Variants in SIL1 observed in about 807,000 individuals in gnomAD.
SIL1 encodes the protein nucleotide exchange factor SIL1.
SIL1 carries 40 observed loss-of-function variants against 49.1 expected under a neutral mutation model. The ratio of observed to expected loss-of-function variants is 0.81; its 90% CI spans 0.63 to 1.06. The LOEUF (loss-of-function observed/expected upper bound fraction) is 1.06, where lower values mean the gene tolerates loss of function less well. Among genes scored for constraint, SIL1 ranks in the 50% least tolerant of loss-of-function variants. SIL1 has a pLI of 0.00. For missense variants in SIL1, 500 were observed against 572.6 expected, an observed-to-expected ratio of 0.87 and a Z score of 1.29; for synonymous variants, 253 against 250.8, an observed-to-expected ratio of 1.01 and a Z score of -0.08.
intron 7 of SIL1, among the ~76,000 whole-genome samples, chr5:139,017,840 G>A (rs149912945): frequency 6.6e-6 from 1 of 152,280 alleles, no homozygotes; most frequent in Non-Finnish European, 1.5e-5. Flanking sequence ...ACTCCTGGTA[G>A]GTCAGACTGC....
At chr5:139,170,823 G>T (rs1362923747) in intron 1 of SIL1, among the ~76,000 whole-genome samples, 178 of 150,708 alleles carry the variant, frequency 1.2e-3, no homozygotes, top group African/African-American at 4.2e-3. Flanking sequence ...GGAGGGAGGT[G>T]GGGGGGTCAG....
chr5:139,152,884 T>C (rs752019694), intron 1 of SIL1, among the ~76,000 whole-genome samples: 2 of 152,138 alleles, frequency 1.3e-5, no homozygotes, highest in African/African-American at 2.4e-5. Flanking sequence ...AATGGCGCGA[T>C]CTCAGCTCAC....
intron 7 of SIL1, among the ~76,000 whole-genome samples, chr5:139,019,221 G>A (rs1018038127): frequency 1.3e-5 from 2 of 152,184 alleles, no homozygotes; most frequent in East Asian, 3.9e-4. Flanking sequence ...TACTAGAAGC[G>A]GTTACAGAGG....
At chr5:139,178,860 G>A (rs1316409514) in intron 1 of SIL1, among the ~76,000 whole-genome samples, 10 of 152,206 alleles carry the variant, frequency 6.6e-5, no homozygotes. Context: ...GAATGTAACA[G>A]ATGTTTTATA....
At chr5:139,098,881 AT>A (rs1196994459) in intron 3 of SIL1, among the ~76,000 whole-genome samples, 2 of 122,634 alleles carry the variant, frequency 1.6e-5, no homozygotes, top group Non-Finnish European at 3.1e-5. Flanking sequence ...CAGTGGTGTG[AT>A]CTCAGCTCAC....
At chr5:139,056,625 G>T (rs1362765118) in intron 3 of SIL1, among the ~76,000 whole-genome samples, 8 of 145,900 alleles carry the variant, frequency 5.5e-5, no homozygotes, top group Non-Finnish European at 1.2e-4. Flanking sequence ...CCGGCCAGCC[G>T]CCCCATCAAG....
chr5:139,102,827 G>A (rs1213101017), intron 3 of SIL1, among the ~76,000 whole-genome samples: 3 of 151,558 alleles, frequency 2.0e-5, no homozygotes, highest in Non-Finnish European at 4.4e-5. Context: ...CAGTTCTCCT[G>A]CCTCAGCCTC....
At chr5:139,011,330 G>A (rs1329916555) in intron 7 of SIL1, among the ~76,000 whole-genome samples, 5 of 152,158 alleles carry the variant, frequency 3.3e-5, no homozygotes, top group Admixed American at 1.3e-4. Flanking sequence ...CTCCCGCACC[G>A]TGCGCGCACC....
chr5:139,010,390 T>G (rs1169801702), intron 7 of SIL1, among the ~76,000 whole-genome samples: 1 of 150,728 alleles, frequency 6.6e-6, no homozygotes, highest in African/African-American at 2.4e-5. Context: ...GTTTTCAACT[T>G]CTTTGCCTTT....
At chr5:139,115,705 G>A (rs1017714509) in intron 3 of SIL1, among the ~76,000 whole-genome samples, 5 of 152,236 alleles carry the variant, frequency 3.3e-5, no homozygotes, top group East Asian at 1.9e-4. Flanking sequence ...ATATCTTGCC[G>A]CATCTAAACT....
At chr5:139,174,672 C>T (rs1345574030) in intron 1 of SIL1, among the ~76,000 whole-genome samples, 2 of 151,872 alleles carry the variant, frequency 1.3e-5, no homozygotes, top group Non-Finnish European at 2.9e-5. Flanking sequence ...GGTGAAGTGG[C>T]TCAGCCTGTA....
At chr5:139,082,700 T>G (rs551512904) in intron 3 of SIL1, among the ~76,000 whole-genome samples, 1 of 152,238 alleles carries the variant, frequency 6.6e-6, no homozygotes. Flanking sequence ...GGTGTCTTGA[T>G]GAACTGCTGA....
intron 1 of SIL1, among the ~76,000 whole-genome samples, chr5:139,130,959 G>A (rs896494334): frequency 1.3e-5 from 2 of 152,178 alleles, no homozygotes; most frequent in African/African-American, 2.4e-5. Context: ...CAGTTACCGG[G>A]TTAAGGAAAA....
At chr5:139,093,120 G>A (rs771543445) in intron 3 of SIL1, among the ~76,000 whole-genome samples, 6 of 152,076 alleles carry the variant, frequency 3.9e-5, no homozygotes, top group Admixed American at 6.6e-5. Flanking sequence ...GCAACACTCC[G>A]TCTCTTTTGT....
chr5:139,111,140 C>T (rs1770829666), intron 3 of SIL1, among the ~76,000 whole-genome samples: 1 of 152,148 alleles, frequency 6.6e-6, no homozygotes, highest in African/African-American at 2.4e-5. Context: ...GTAGTTCTTC[C>T]CAACCTTCCA....
chr5:139,141,498 A>T (rs6892316), intron 1 of SIL1, among the ~76,000 whole-genome samples: 3,778 of 150,478 alleles, frequency 0.025, 143 homozygotes, highest in African/African-American at 0.087. Flanking sequence ...AAAAAAAAAA[A>T]TTTTTTTTTC....
chr5:139,000,144 T>C (rs1002053360), intron 7 of SIL1, among the ~76,000 whole-genome samples: 1 of 152,252 alleles, frequency 6.6e-6, no homozygotes, highest in African/African-American at 2.4e-5. Flanking sequence ...GTTCCTTCTA[T>C]ATCCAGTTTG....
chr5:139,062,591 T>C (rs1472667148), intron 3 of SIL1, among the ~76,000 whole-genome samples: 1 of 152,186 alleles, frequency 6.6e-6, no homozygotes, highest in African/African-American at 2.4e-5. Context: ...CCATGTCTCC[T>C]TTCCAGTCCT....
At chr5:139,155,446 A>AGT (rs1240943732) in intron 1 of SIL1, 1 of 149,956 alleles carries the variant, frequency 6.7e-6, no homozygotes, top group Non-Finnish European at 1.5e-5. Context: ...ACGTACACAG[A>AGT]GTGAGAGAGA....
Sources: allele counts gnomAD v4.1 joint callset (sites outside exome capture counted in the v4.1 genomes callset), GRCh38; gene constraint gnomAD v4.1.1; transcripts MANE v1.5; gene names NCBI Gene and HGNC (gene_info 2026-07-23, HGNC 2026-07-21).